The following RHOH variants were observed in gnomAD, a reference collection of about 807,000 sequenced individuals.
RHOH encodes rho-related GTP-binding protein RhoH.
In RHOH, 6 loss-of-function variants were observed where a neutral mutation model predicts 13.8. That is an observed-to-expected ratio of 0.44 (90% CI 0.24 to 0.86). The LOEUF is 0.86. RHOH is among the 40% of genes least tolerant of loss of function. The pLI is 0.24. For missense variants in RHOH, 147 were observed against 244.5 expected, an observed-to-expected ratio of 0.60 and a Z score of 2.66; for synonymous variants, 117 against 103.0, an observed-to-expected ratio of 1.14 and a Z score of -0.82.
chr4:40,214,670 C>T (rs558509802), intron 1 of RHOH, among the ~76,000 whole-genome samples: 5 of 152,214 alleles, frequency 3.3e-5, no homozygotes, highest in Non-Finnish European at 7.3e-5. Flanking sequence ...GGAAAACAGG[C>T]ATGTTTGAGA....
At chr4:40,235,761 C>T (rs897084123) in intron 1 of RHOH, among the ~76,000 whole-genome samples, 1 of 151,762 alleles carries the variant, frequency 6.6e-6, no homozygotes, top group Admixed American at 6.6e-5. Context: ...ATTGCTTGAA[C>T]CCAGGAGTTG....
upstream of RHOH, among the ~76,000 whole-genome samples, chr4:40,194,295 C>T (rs1411797275): frequency 6.6e-6 from 1 of 152,036 alleles, no homozygotes; most frequent in African/African-American, 2.4e-5. Context: ...GTGGTATGAT[C>T]TTGCCTCACT....
At chr4:40,228,268 T>TA (rs1727480668) in intron 1 of RHOH, among the ~76,000 whole-genome samples, 1 of 152,092 alleles carries the variant, frequency 6.6e-6, no homozygotes, top group Non-Finnish European at 1.5e-5. Flanking sequence ...ATGCACTGAA[T>TA]AAAAAACCCC....
intron 1 of RHOH, among the ~76,000 whole-genome samples, chr4:40,233,907 C>T (rs753536856): frequency 1.3e-5 from 2 of 149,566 alleles, no homozygotes; most frequent in Non-Finnish European, 3.0e-5. Context: ...GCCTGGGCGA[C>T]AGAGTAATAC....
At chr4:40,239,880 GA>G (rs34980124) in intron 1 of RHOH, among the ~76,000 whole-genome samples, 37,015 of 136,514 alleles carry the variant, frequency 0.27, 6,652 homozygotes, top group African/African-American at 0.53. Flanking sequence ...TCCGTCTCAA[GA>G]AAAAAAAAAA....
At position 40,237,927 on chromosome 4, in the gene RHOH, T is replaced by C. The variant is rs781197381; in HGVS notation, c.-330-4787T>C. Among the ~76,000 whole-genome samples, 22 of 152,240 alleles carry C rather than the reference T, an allele frequency of 1.4e-4. 1 individual carries two copies. The highest frequency in any genetic ancestry group is 4.4e-5 in the Non-Finnish European group (3 of 68,044). On this transcript the variant is annotated intron_variant, in intron 1 of 2. Coordinates refer to ENST00000381799, the MANE Select transcript of RHOH (RefSeq NM_004310.5). ...ATTTCACTTTAGCTCTATATTATGA[T>C]GTATTGTTCTAAAAAGACTTTCTCG...
At chr4:40,229,002 C>A (rs1727569615) in intron 1 of RHOH, among the ~76,000 whole-genome samples, 1 of 152,210 alleles carries the variant, frequency 6.6e-6, no homozygotes, top group South Asian at 2.1e-4. Flanking sequence ...TTTGGGTCAT[C>A]TCAGGGGCCT....
At chr4:40,193,431 C>T (rs1398237237), upstream of RHOH, among the ~76,000 whole-genome samples, 4 of 147,298 alleles carry the variant, frequency 2.7e-5, no homozygotes, top group South Asian at 4.3e-4. Context: ...TTGCTTCCTC[C>T]CCTCACCACT....
chr4:40,222,168 T>TA (rs1726664785), intron 1 of RHOH, among the ~76,000 whole-genome samples: 1 of 152,166 alleles, frequency 6.6e-6, no homozygotes, highest in Admixed American at 6.5e-5. Context: ...CACCAAAGTA[T>TA]AAAGAGAGGC....
rs2109438307 is a variant in RHOH at position 40,218,493 on chromosome 4, AG to A, written c.-331+21196del. On this transcript the variant is annotated intron_variant, in intron 1 of 2. Coordinates refer to ENST00000381799, the MANE Select transcript of RHOH (RefSeq NM_004310.5). The surrounding 1 kb of genome is among the most constrained non-coding windows in gnomAD (Gnocchi z 4.1). Reference sequence around the variant, plus strand: ...TAGCTCGGCTAATGAGCCCAGGCTGAGGGCTTTTTTGCAGGCATGCCAAAAA... The same window carrying A: ...TAGCTCGGCTAATGAGCCCAGGCTGAGGCTTTTTTGCAGGCATGCCAAAAA... Among the ~76,000 whole-genome samples, 1 of 152,176 alleles carries A rather than the reference AG, an allele frequency of 6.6e-6. No individual in the cohort carries two copies. The highest frequency in any genetic ancestry group is 1.5e-5 in the Non-Finnish European group (1 of 68,022).
In RHOH at chr4:40,243,102, T is replaced by G; in HGVS notation, c.-209-76T>G. 1 of 339,892 alleles carries G rather than the reference T, an allele frequency of 2.9e-6. No individual in the cohort carries two copies. Among genetic ancestry groups the G allele is most frequent in the Admixed American group, 4.5e-5 (1 of 22,198 alleles). The allele number at this position is 339,892 out of a possible 1,614,324, so 21.1% of individuals were successfully genotyped here. On this transcript the variant is annotated intron_variant, in intron 2 of 2. Coordinates refer to ENST00000381799, the MANE Select transcript of RHOH (RefSeq NM_004310.5). The surrounding 1 kb of genome is among the most constrained non-coding windows in gnomAD (Gnocchi z 6.2). ...ACCCCACATTTAATCAGTTTGCCAATGAGGAAGCCCCTTATCTTCAAAAAA... is the reference window on the plus strand; with the variant it reads ...ACCCCACATTTAATCAGTTTGCCAAGGAGGAAGCCCCTTATCTTCAAAAAA...
At chr4:40,237,539 G>C (rs1380955574) in intron 1 of RHOH, among the ~76,000 whole-genome samples, 3 of 152,220 alleles carry the variant, frequency 2.0e-5, no homozygotes, top group Non-Finnish European at 4.4e-5. Context: ...AGAAAGGCCT[G>C]CTTTTGCTGT....
intron 1 of RHOH, among the ~76,000 whole-genome samples, chr4:40,230,052 C>CT (rs924780773): frequency 8.8e-4 from 132 of 149,234 alleles, no homozygotes; most frequent in African/African-American, 2.8e-3. Context: ...AAAAGGACTT[C>CT]TTTTTTTTTT....
At chr4:40,200,805 T>C (rs1258274154) in intron 1 of RHOH, among the ~76,000 whole-genome samples, 1 of 152,212 alleles carries the variant, frequency 6.6e-6, no homozygotes, top group Non-Finnish European at 1.5e-5. Context: ...AGAAGCTATA[T>C]ATTATTCCGG....
chr4:40,195,098 T>C (rs1165855149), upstream of RHOH, among the ~76,000 whole-genome samples: 2 of 152,242 alleles, frequency 1.3e-5, no homozygotes, highest in Non-Finnish European at 2.9e-5. Context: ...ATACATTCTC[T>C]GTAATTAACC....
At chr4:40,233,960 A>G (rs1361185719) in intron 1 of RHOH, among the ~76,000 whole-genome samples, 1 of 150,714 alleles carries the variant, frequency 6.6e-6, no homozygotes, top group Non-Finnish European at 1.5e-5. Flanking sequence ...AAAATAAAAT[A>G]AAATGAAATA....
intron 1 of RHOH, among the ~76,000 whole-genome samples, chr4:40,214,738 T>C (rs1725677099): frequency 6.6e-6 from 1 of 152,226 alleles, no homozygotes; most frequent in Non-Finnish European, 1.5e-5. Context: ...CCTTGGCTAA[T>C]GGACTTCCCC....
intron 1 of RHOH, among the ~76,000 whole-genome samples, chr4:40,203,550 G>C (rs1214233176): frequency 6.7e-6 from 1 of 150,136 alleles, no homozygotes; most frequent in Non-Finnish European, 1.5e-5. Flanking sequence ...GTGTGAGAGA[G>C]AGAGAGTGTG....
At chr4:40,202,442 TTTTTA>T (rs1560683587) in intron 1 of RHOH, among the ~76,000 whole-genome samples, 1 of 152,204 alleles carries the variant, frequency 6.6e-6, no homozygotes, top group Non-Finnish European at 1.5e-5. Flanking sequence ...GTAGAATTTG[TTTTTA>T]TTTTGTTTAT....
Sources: gnomAD v4.1 joint callset for allele counts (sites outside exome capture counted in the v4.1 genomes callset) on GRCh38, gnomAD v4.1.1 for gene constraint, Gnocchi (gnomAD v3.1) non-coding constraint, MANE v1.5 for transcripts, NCBI Gene and HGNC (gene_info 2026-07-23, HGNC 2026-07-21) for gene names.